BCAS3: variants seen among roughly 807,000 people sequenced by gnomAD.
The protein encoded by BCAS3 is BCAS4/BCAS3 fusion.
In BCAS3, 53 loss-of-function variants were observed where a neutral mutation model predicts 116.1. The observed-to-expected ratio is 0.46, with a 90% CI of 0.37 to 0.57. The LOEUF is 0.57. Among genes scored for constraint, BCAS3 ranks in the 20% least tolerant of loss-of-function variants. BCAS3 has a pLI of 0.00. For synonymous variants in BCAS3, 391 were observed against 408.2 expected (o/e 0.96, Z 0.51); for missense variants, 917 against 1,165.4 (o/e 0.79, Z 3.10).
rs116033582 is a variant in BCAS3, at chr17:61,091,989, G to A, written c.2425+7425G>A. Among the ~76,000 whole-genome samples the A allele has an allele frequency of 6.2e-3, 944 of 152,148 alleles. 9 individuals carry two copies. The highest frequency in any genetic ancestry group is 0.022 in the African/African-American group (907 of 41,502). ...TCACATAAAAACATAGAATATTTCC[G>A]TCAACCCAGAAAGTTTCTTATGCCC... On this transcript the variant is annotated intron_variant, in intron 22 of 23. Coordinates refer to ENST00000407086, the MANE Select transcript of BCAS3 (RefSeq NM_017679.5).
chr17:61,202,367 C>A (rs143548686), intron 22 of BCAS3, among the ~76,000 whole-genome samples: 1 of 151,888 alleles, frequency 6.6e-6, no homozygotes, highest in African/African-American at 2.4e-5. Context: ...TCTATCACAG[C>A]GAATAAGGTT....
At chr17:61,201,430 C>A (rs1176147138) in intron 22 of BCAS3, among the ~76,000 whole-genome samples, 1 of 152,244 alleles carries the variant, frequency 6.6e-6, no homozygotes, top group Admixed American at 6.5e-5. Flanking sequence ...AGAGGAATTC[C>A]TTAAGCTGGG....
At chr17:60,814,314 T>C (rs1052937213) in intron 7 of BCAS3, among the ~76,000 whole-genome samples, 11 of 118,224 alleles carry the variant, frequency 9.3e-5, no homozygotes, top group African/African-American at 3.1e-4. Context: ...TGTGCGCGCG[T>C]GCCCATTGCA....
Position 61,128,975 on chromosome 17 carries a change from C to G in BCAS3, c.2425+44411C>G, listed in dbSNP as rs1268248549. Among the ~76,000 whole-genome samples the G allele has an allele frequency of 1.3e-5, 2 of 152,202 alleles. No individual in the cohort carries two copies. The highest frequency in any genetic ancestry group is 2.9e-5 in the Non-Finnish European group (2 of 68,038). On this transcript the variant is annotated intron_variant, in intron 22 of 23. Coordinates refer to ENST00000407086, the MANE Select transcript of BCAS3 (RefSeq NM_017679.5). This position sits in a 1 kb window ranked among gnomAD's most constrained non-coding sequence, Gnocchi z 4.1. ...GCTATATTGAGTTCTCCGCAGTTTT[C>G]TAACAGAGAGATTTAGTTTGGCAGC...
rs1378508893 is a variant in BCAS3 at position 61,189,560 on chromosome 17, G to A, written c.2425+104996G>A. On this transcript the variant is annotated intron_variant, in intron 22 of 23. Coordinates refer to ENST00000407086, the MANE Select transcript of BCAS3 (RefSeq NM_017679.5). This position sits in a 1 kb window ranked among gnomAD's most constrained non-coding sequence, Gnocchi z 4.5. ...AAGAAAGATTTAAAATGAAGTCAGG[G>A]AGACCACTTAAACTGTTGACCTGAC... Among the ~76,000 whole-genome samples, 1 of 152,174 alleles carries A rather than the reference G, an allele frequency of 6.6e-6. No individual in the cohort carries two copies. The highest frequency in any genetic ancestry group is 1.5e-5 in the Non-Finnish European group (1 of 68,034).
rs1190905704 is a variant in BCAS3, at chr17:61,180,150, CATT to C, written c.2425+95588_2425+95590del. Among the ~76,000 whole-genome samples the C allele has an allele frequency of 6.6e-6, 1 of 152,090 alleles. No homozygotes were observed. The highest frequency in any genetic ancestry group is 2.4e-5 in the African/African-American group (1 of 41,400). On this transcript the variant is annotated intron_variant, in intron 22 of 23. Transcript: ENST00000407086. The surrounding 1 kb of genome is among the most constrained non-coding windows in gnomAD (Gnocchi z 6.0). ...TTGAGTGCACCATTTTGCCAAACAT[CATT>C]AAGTCATTAGTGTAAGGGACTTGTT...
In BCAS3 at chr17:61,021,016, T is replaced by C. The variant is rs999937469; in HGVS notation, c.1637+5115T>C. 4.6e-5 allele frequency among the ~76,000 whole-genome samples: 7 copies of C among 152,136 alleles called. No individual in the cohort carries two copies. Among genetic ancestry groups the C allele is most frequent in the Non-Finnish European group, 7.4e-5 (5 of 68,020 alleles). Reference sequence around the variant, plus strand: ...TTCCTTAAATGGAAGTAGCTCCTCATTTCTTTCCCCCTCCCCATCTTTATA... The same window carrying C: ...TTCCTTAAATGGAAGTAGCTCCTCACTTCTTTCCCCCTCCCCATCTTTATA... On this transcript the variant is annotated intron_variant, in intron 16 of 23. Coordinates refer to ENST00000407086, the MANE Select transcript of BCAS3 (RefSeq NM_017679.5). The surrounding 1 kb of genome is among the most constrained non-coding windows in gnomAD (Gnocchi z 4.6).
At position 60,964,463 on chromosome 17, in the gene BCAS3, T is replaced by C. The variant is rs1465613135; in HGVS notation, c.1221+17111T>C. Reference sequence around the variant, plus strand: ...GTATTTTGTTGAGGATTTTCACATATATGTTCATCACGGATATTGGCCTGT... The same window carrying C: ...GTATTTTGTTGAGGATTTTCACATACATGTTCATCACGGATATTGGCCTGT... On this transcript the variant is annotated intron_variant, in intron 14 of 23. Transcript: ENST00000407086. This position sits in a 1 kb window ranked among gnomAD's most constrained non-coding sequence, Gnocchi z 4.6. Among the ~76,000 whole-genome samples, 1 of 152,180 alleles carries C rather than the reference T, an allele frequency of 6.6e-6. No individual in the cohort carries two copies. The highest frequency in any genetic ancestry group is 2.4e-5 in the African/African-American group (1 of 41,458).
intron 6 of BCAS3, among the ~76,000 whole-genome samples, chr17:60,777,817 C>T (rs1162103940): frequency 6.6e-6 from 1 of 152,134 alleles, no homozygotes; most frequent in African/African-American, 2.4e-5. Flanking sequence ...TCTGCAAAAT[C>T]CCCTATGTCC....
chr17:61,137,112 G>C (rs1293987369), intron 22 of BCAS3, among the ~76,000 whole-genome samples: 1 of 152,092 alleles, frequency 6.6e-6, no homozygotes, highest in East Asian at 1.9e-4. Flanking sequence ...AACTGATTTT[G>C]TCATATACTG....
intron 22 of BCAS3, among the ~76,000 whole-genome samples, chr17:61,336,138 A>G (rs2056704704): frequency 1.3e-5 from 2 of 152,244 alleles, no homozygotes; most frequent in South Asian, 4.1e-4. Context: ...CTGGTTTGCA[A>G]AGCAAACTTC....
chr17:61,142,960 T>C (rs956517146), intron 22 of BCAS3, among the ~76,000 whole-genome samples: 1 of 152,254 alleles, frequency 6.6e-6, no homozygotes, highest in East Asian at 1.9e-4. Context: ...CCCTTGGTTT[T>C]TCTCAGAAGC....
intron 6 of BCAS3, among the ~76,000 whole-genome samples, chr17:60,770,400 C>CTTTT (rs35691381): frequency 2.6e-5 from 2 of 76,904 alleles, no homozygotes; most frequent in Non-Finnish European, 5.9e-5. Flanking sequence ...AGTGTTCCCT[C>CTTTT]TTTTTTTTTT....
At chr17:61,127,293 G>A (rs373853402) in intron 22 of BCAS3, among the ~76,000 whole-genome samples, 27 of 152,190 alleles carry the variant, frequency 1.8e-4, no homozygotes, top group Non-Finnish European at 2.9e-4. Flanking sequence ...CCAGGTTAGC[G>A]AAGGCTTCAC....
chr17:61,305,522 A>G (rs1035017010), intron 22 of BCAS3, among the ~76,000 whole-genome samples: 3 of 152,216 alleles, frequency 2.0e-5, no homozygotes, highest in Admixed American at 2.0e-4. Flanking sequence ...AATCGTTTAC[A>G]CTGAATTGTG....
chr17:60,937,822 A>G (rs1461411897), intron 13 of BCAS3, among the ~76,000 whole-genome samples: 4 of 152,162 alleles, frequency 2.6e-5, no homozygotes, highest in Non-Finnish European at 5.9e-5. Context: ...ACTTCCAGCA[A>G]TTATTGTCTA....
At chr17:60,946,802 T>A (rs896055891) in intron 13 of BCAS3, among the ~76,000 whole-genome samples, 1 of 151,998 alleles carries the variant, frequency 6.6e-6, no homozygotes, top group Admixed American at 6.6e-5. Context: ...TCCCAGCTAC[T>A]TGGGAGGCTG....
At chr17:60,796,764 T>G (rs1182557095) in intron 6 of BCAS3, among the ~76,000 whole-genome samples, 2 of 152,126 alleles carry the variant, frequency 1.3e-5, no homozygotes, top group African/African-American at 4.8e-5. Flanking sequence ...TTGGGTTTGG[T>G]TTGTTCTTGT....
At chr17:60,879,082 A>G (rs1489468840) in intron 9 of BCAS3, among the ~76,000 whole-genome samples, 4 of 152,170 alleles carry the variant, frequency 2.6e-5, no homozygotes, top group African/African-American at 9.6e-5. Context: ...AGACTGGAGG[A>G]TAGGATACTG....
Sources: allele counts gnomAD v4.1 joint callset (sites outside exome capture counted in the v4.1 genomes callset), GRCh38; gene constraint gnomAD v4.1.1; non-coding constraint Gnocchi (gnomAD v3.1); transcripts MANE v1.5; gene names NCBI Gene and HGNC (gene_info 2026-07-23, HGNC 2026-07-21).